Variants in LMOD2 observed in about 807,000 individuals in gnomAD.
LMOD2 encodes the protein leiomodin-2.
Under a neutral mutation model 41.7 loss-of-function variants are expected in LMOD2, and 27 were observed. That is an observed-to-expected ratio of 0.65 (90% CI 0.48 to 0.89). LMOD2 has a LOEUF of 0.89. Among genes scored for constraint, LMOD2 ranks in the 40% least tolerant of loss-of-function variants. The pLI is 0.00. For synonymous variants in LMOD2, 251 were observed against 244.6 expected, an observed-to-expected ratio of 1.03 and a Z score of -0.25; for missense variants, 624 against 667.9, an observed-to-expected ratio of 0.93 and a Z score of 0.72.
chr7:123,662,215 A>C lies in LMOD2; in HGVS notation c.629A>C (p.Asp210Ala). 1 of 1,614,006 alleles carries C rather than the reference A, an allele frequency of 6.2e-7. No individual in the cohort carries two copies. The highest frequency in any genetic ancestry group is 8.5e-7 in the Non-Finnish European group (1 of 1,179,882). Reference protein sequence around the residue: ...EDALDKIKSNDPDTTEVNLNN... With the variant: ...EDALDKIKSNAPDTTEVNLNN... The stretch of plus-strand genomic sequence containing the variant: ...GCTTTGGACAAGATTAAAAGCAATG[A>C]CCCTGACACCACAGAAGTCAATTTG... Residue 210 changes from aspartate to alanine, a missense_variant, in exon 2 of 3, where the codon GAC becomes GCC. Asp to Ala is a moderately radical substitution (Grantham distance 126). Transcript: ENST00000458573. This position sits in a 1 kb window ranked among gnomAD's most constrained non-coding sequence, Gnocchi z 4.0.
In LMOD2 at chr7:123,662,113, C is replaced by T; in HGVS notation, c.527C>T (p.Thr176Ile). 1.9e-6 allele frequency: 3 copies of T among 1,612,412 alleles called. No homozygotes were observed. Among genetic ancestry groups the T allele is most frequent in the Non-Finnish European group, 2.5e-6 (3 of 1,179,138 alleles). Residue 176 changes from threonine (T) to isoleucine (I), a missense_variant, in exon 2 of 3, where the codon ACC becomes ATC. Physicochemically the swap from Thr to Ile is moderately conservative, Grantham distance 89 (BLOSUM62 -1). Coordinates refer to ENST00000458573, the MANE Select transcript of LMOD2 (RefSeq NM_207163.3). The surrounding 1 kb of genome is among the most constrained non-coding windows in gnomAD (Gnocchi z 4.0). The part of the protein sequence containing the change: ...FKSQIENINL[T>I]NGSNGRNTES... ...AGTCAAATAGAGAACATAAATTTGACCAATGGCAGCAATGGGAGGAACACA... is the reference window on the plus strand; with the variant it reads ...AGTCAAATAGAGAACATAAATTTGATCAATGGCAGCAATGGGAGGAACACA...
At chr7:123,661,111 A>C (rs1019420591) in intron 1 of LMOD2, among the ~76,000 whole-genome samples, 1 of 152,012 alleles carries the variant, frequency 6.6e-6, no homozygotes, top group Admixed American at 6.5e-5. Context: ...CTGGATTTTG[A>C]CCTCCTGCTG....
chr7:123,663,544 G>A, intron 2 of LMOD2, 175 bp from the exon 3 acceptor site: 1 of 638,706 alleles, frequency 1.6e-6, no homozygotes. Context: ...ACAGAGTTGT[G>A]ACTGATTCGA....
chr7:123,661,915 G>A lies in LMOD2; in HGVS notation c.329G>A (p.Ser110Asn). Residue 110 changes from serine (S) to asparagine (N), a missense_variant, in exon 2 of 3, where the codon AGT (serine) becomes AAT (asparagine). Ser to Asn is a conservative substitution (Grantham distance 46). Coordinates refer to ENST00000458573, the MANE Select transcript of LMOD2 (RefSeq NM_207163.3). ...EEELIFTESN[S>N]EVSEEVYTEE... ...GAGCTTATCTTTACTGAAAGTAACA[G>A]TGAGGTTTCTGAGGAAGTGTATACA... is the stretch of plus-strand genomic sequence containing the variant. 3 of 1,550,434 alleles carry A rather than the reference G, an allele frequency of 1.9e-6. No homozygotes were observed. Among genetic ancestry groups the A allele is most frequent in the Non-Finnish European group, 2.6e-6 (3 of 1,146,624 alleles).
rs1396498061 is a variant in LMOD2 at position 123,656,215 on chromosome 7, G to C, written c.252G>C (p.Glu84Asp). The change falls in exon 1 of 3, where the codon GAG becomes GAC. Residue 84 changes from glutamate (E) to aspartate (D), a missense_variant. By Grantham distance (45) the Glu-to-Asp change is conservative. Coordinates refer to ENST00000458573, the MANE Select transcript of LMOD2 (RefSeq NM_207163.3). ...EKESQKLLEK[E>D]RLGECGKVAE... ...AGTCCCAAAAACTCTTGGAGAAGGAGAGGCTGGGGGAATGTGGAAAGGTAG... is the reference window on the plus strand; with the variant it reads ...AGTCCCAAAAACTCTTGGAGAAGGACAGGCTGGGGGAATGTGGAAAGGTAG... 1 of 1,607,928 alleles carries C rather than the reference G, an allele frequency of 6.2e-7. No individual in the cohort carries two copies. Among genetic ancestry groups the C allele is most frequent in the Non-Finnish European group, 8.5e-7 (1 of 1,177,508 alleles).
At position 123,662,249 on chromosome 7, in the gene LMOD2, T is replaced by C. The variant is rs760299389; in HGVS notation, c.663T>C (p.Ile221=). 53 of 1,613,932 alleles carry C rather than the reference T, an allele frequency of 3.3e-5. No homozygotes were observed. Among genetic ancestry groups the C allele is most frequent in the Non-Finnish European group, 4.4e-5 (52 of 1,179,878 alleles). ...CCACAGAAGTCAATTTGAACAACATTGAGAACATCACAACACAGACCCTTA... is the reference window on the plus strand; with the variant it reads ...CCACAGAAGTCAATTTGAACAACATCGAGAACATCACAACACAGACCCTTA... The part of the protein sequence containing the change: ...PDTTEVNLNN[I]ENITTQTLTR... The change falls in exon 2 of 3, where the codon ATT becomes ATC. Residue 221 remains isoleucine, a synonymous_variant. Transcript: ENST00000458573. This position sits in a 1 kb window ranked among gnomAD's most constrained non-coding sequence, Gnocchi z 4.0.
chr7:123,660,307 CCT>C (rs748951399), intron 1 of LMOD2, among the ~76,000 whole-genome samples: 55 of 111,014 alleles, frequency 5.0e-4, no homozygotes, highest in South Asian at 1.5e-3. Context: ...TCTCTCTCTC[CCT>C]CTCTCTCTCT....
intron 1 of LMOD2, among the ~76,000 whole-genome samples, chr7:123,656,877 C>T (rs530605636): frequency 3.9e-5 from 6 of 152,214 alleles, no homozygotes; most frequent in South Asian, 4.2e-4. Flanking sequence ...GTTTCTTTTG[C>T]GAATCAAGAA....
Position 123,662,612 on chromosome 7 carries a change from G to A in LMOD2, c.1026G>A (p.Met342Ile). The A allele has an allele frequency of 1.2e-6, 2 of 1,614,010 alleles. No individual in the cohort carries two copies. Among genetic ancestry groups the A allele is most frequent in the Non-Finnish European group, 1.7e-6 (2 of 1,179,908 alleles). The change falls in exon 2 of 3, where the codon ATG becomes ATA. Residue 342 changes from methionine to isoleucine, a missense_variant. Physicochemically the swap from Met to Ile is conservative, Grantham distance 10. Transcript: ENST00000458573. The surrounding 1 kb of genome is among the most constrained non-coding windows in gnomAD (Gnocchi z 4.0). Reference sequence around the variant, plus strand: ...ATTTTGAACTCCCAGGACCAAGAATGAGCATGACGAGCATTTTGACAAGAA... The same window carrying A: ...ATTTTGAACTCCCAGGACCAAGAATAAGCATGACGAGCATTTTGACAAGAA... ...GYHFELPGPR[M>I]SMTSILTRNM...
chr7:123,660,225 C>G (rs1026739764), intron 1 of LMOD2, among the ~76,000 whole-genome samples: 4 of 152,068 alleles, frequency 2.6e-5, no homozygotes, highest in African/African-American at 9.7e-5. Context: ...GAGCCACACT[C>G]TTTTTCTTAT....
chr7:123,663,397 G>A (rs1293201182), intron 2 of LMOD2, 194 bp downstream of exon 2: 7 of 717,960 alleles, frequency 9.7e-6, no homozygotes, highest in Admixed American at 9.4e-5. Context: ...TGAGAGGAAC[G>A]CCTGGGCCGC....
In LMOD2 at chr7:123,662,857, C is replaced by T. The variant is rs1802907091; in HGVS notation, c.1271C>T (p.Pro424Leu). ...TCTCCTGTGGCCACACCTCCTCCTCCTCCCCCTCCTCCTCCTCCTCCCCCT... is the reference window on the plus strand; with the variant it reads ...TCTCCTGTGGCCACACCTCCTCCTCTTCCCCCTCCTCCTCCTCCTCCCCCT... ...PLSPVATPPP[P>L]PPPPPPPPPS... Residue 424 changes from proline to leucine, a missense_variant, in exon 2 of 3, where the codon CCT becomes CTT. Coordinates refer to ENST00000458573, the MANE Select transcript of LMOD2 (RefSeq NM_207163.3). The surrounding 1 kb of genome is among the most constrained non-coding windows in gnomAD (Gnocchi z 4.0). The T allele has an allele frequency of 1.3e-6, 2 of 1,582,542 alleles. No homozygotes were observed. The highest frequency in any genetic ancestry group is 1.8e-5 in the Admixed American group (1 of 55,490).
Position 123,661,970 on chromosome 7 carries a change from A to AGAGGAGGAAGAAGACAGTGAC in LMOD2, c.387_407dup (p.Glu132_Glu138dup). On this transcript the variant is annotated inframe_insertion, in exon 2 of 3. Coordinates refer to ENST00000458573, the MANE Select transcript of LMOD2 (RefSeq NM_207163.3). ...AGGAGGAGGAGGAGTCCCAGGAGGA[A>AGAGGAGGAAGAAGACAGTGAC]GAGGAGGAAGAAGACAGTGACGAAG... The AGAGGAGGAAGAAGACAGTGAC allele has an allele frequency of 6.4e-7, 1 of 1,558,566 alleles. No homozygotes were observed. Among genetic ancestry groups the AGAGGAGGAAGAAGACAGTGAC allele is most frequent in the South Asian group, 1.2e-5 (1 of 84,530 alleles).
chr7:123,658,472 C>T (rs117851996), intron 1 of LMOD2, among the ~76,000 whole-genome samples: 128 of 152,330 alleles, frequency 8.4e-4, no homozygotes, highest in Non-Finnish European at 1.3e-3. Flanking sequence ...AGGCGGCTGG[C>T]TCTGTAAAGG....
In LMOD2 at chr7:123,663,789, TA is replaced by T; in HGVS notation, c.*45del. 1 of 1,513,060 alleles carries T rather than the reference TA, an allele frequency of 6.6e-7. No individual in the cohort carries two copies. Among genetic ancestry groups the T allele is most frequent in the Non-Finnish European group, 9.0e-7 (1 of 1,110,198 alleles). The allele number at this position is 1,513,060 out of a possible 1,614,324, so 93.7% of individuals were successfully genotyped here. A position where few individuals can be genotyped will look rare whatever the true frequency, so the allele number is the denominator to read the frequency against. On this transcript the variant is annotated 3_prime_UTR_variant, in exon 3 of 3. Transcript: ENST00000458573. ...AGGATGCAGAACTGTTCAGTGGTAT[TA>T]CATGAAATGCATTGTGAGATGTTTC...
chr7:123,663,722 G>A lies in LMOD2; in HGVS notation c.1621G>A (p.Glu541Lys). The A allele has an allele frequency of 6.3e-7, 1 of 1,578,716 alleles. No homozygotes were observed. The highest frequency in any genetic ancestry group is 1.8e-5 in the Admixed American group (1 of 55,004). The part of the protein sequence containing the change: ...GSSIKQLKRV[E>K]VPEALR ...AGAAAATCCGCTATTTTTGTAGGTG[G>A]AAGTTCCAGAAGCCCTGCGATAAAA... The change falls in exon 3 of 3, where the codon GAA (glutamate) becomes AAA (lysine). Residue 541 changes from glutamate (E) to lysine (K), a missense_variant. Transcript: ENST00000458573.
Position 123,656,066 on chromosome 7 carries a change from A to T in LMOD2, c.103A>T (p.Arg35Ter). ...AGCCGAGGAGCTGAAGGAGCTAGAG[A>T]GAGAGTTGGAAGACATTGAACCTGA... ...LSAEELKELE[R>*]ELEDIEPDRN... The change falls in exon 1 of 3, where the codon AGA (arginine) becomes TGA (stop). Residue 35 changes from arginine to a stop codon, truncating the protein, a stop_gained. Transcript: ENST00000458573. LOFTEE classifies it high-confidence loss of function. The T allele has an allele frequency of 6.2e-7, 1 of 1,612,114 alleles. No individual in the cohort carries two copies. The highest frequency in any genetic ancestry group is 1.3e-5 in the African/African-American group (1 of 75,032).
rs1802930304 is a variant in LMOD2, at chr7:123,663,823, CCTT to C, written c.*83_*85del. 1 of 1,183,982 alleles carries C rather than the reference CCTT, an allele frequency of 8.4e-7. No individual in the cohort carries two copies. 73.3% of individuals were successfully genotyped at this position (1,183,982 alleles called of 1,614,324 possible). The stretch of plus-strand genomic sequence containing the variant: ...TGCATTGTGAGATGTTTCTAAAATA[CCTT>C]CTTCAATTCAAAATGATCCCTGACT... On this transcript the variant is annotated 3_prime_UTR_variant, in exon 3 of 3. Transcript: ENST00000458573.
chr7:123,660,286 T>TTCTC (rs139356346), intron 1 of LMOD2, among the ~76,000 whole-genome samples: 12 of 123,870 alleles, frequency 9.7e-5, no homozygotes, highest in African/African-American at 2.2e-4. Flanking sequence ...TTCTCTCTCT[T>TTCTC]TCTCTCTCTC....
Sources: allele counts gnomAD v4.1 joint callset (sites outside exome capture counted in the v4.1 genomes callset), GRCh38; gene constraint gnomAD v4.1.1; non-coding constraint Gnocchi (gnomAD v3.1); transcripts MANE v1.5; gene names NCBI Gene and HGNC (gene_info 2026-07-23, HGNC 2026-07-21).